GRM8: variants seen among roughly 807,000 people sequenced by gnomAD.
The protein encoded by GRM8 is metabotropic glutamate receptor 8.
A neutral mutation model predicts 87.2 loss-of-function variants in GRM8; 47 were observed. The ratio of observed to expected loss-of-function variants is 0.54; its 90% CI spans 0.43 to 0.69. GRM8 has a LOEUF of 0.69. Among genes scored for constraint, GRM8 ranks in the 30% least tolerant of loss-of-function variants. The pLI is 0.00. For synonymous variants in GRM8, 396 were observed against 404.5 expected, an observed-to-expected ratio of 0.98 and a Z score of 0.25; for missense variants, 1,019 against 1,139.2, an observed-to-expected ratio of 0.89 and a Z score of 1.52.
chr7:126,462,881 G>C (rs889088553), intron 9 of GRM8, among the ~76,000 whole-genome samples: 15 of 151,470 alleles, frequency 9.9e-5, no homozygotes, highest in Non-Finnish European at 1.5e-5. Flanking sequence ...ACACTCAGGA[G>C]AAAAAGACAG....
At chr7:126,825,558 G>A (rs763363428) in intron 6 of GRM8, among the ~76,000 whole-genome samples, 1 of 152,076 alleles carries the variant, frequency 6.6e-6, no homozygotes, top group Non-Finnish European at 1.5e-5. Context: ...ACCATGAATA[G>A]CCTCAGAATA....
intron 6 of GRM8, among the ~76,000 whole-genome samples, chr7:126,887,321 T>C (rs561241387): frequency 6.6e-6 from 1 of 152,222 alleles, no homozygotes; most frequent in Admixed American, 6.6e-5. Flanking sequence ...ACTATCTTTA[T>C]ATTTGCCATG....
intron 7 of GRM8, among the ~76,000 whole-genome samples, chr7:126,686,106 GA>G (rs1808157069): frequency 6.6e-6 from 1 of 151,564 alleles, no homozygotes; most frequent in African/African-American, 2.4e-5. Flanking sequence ...GAAAGTTGAG[GA>G]GACAATGGGA....
intron 8 of GRM8, among the ~76,000 whole-genome samples, chr7:126,564,158 C>T (rs578103219): frequency 6.6e-6 from 1 of 152,300 alleles, no homozygotes; most frequent in East Asian, 1.9e-4. Context: ...TTTCTAGCAG[C>T]CACTGGGCAA....
At chr7:126,871,842 A>G (rs1449457376) in intron 6 of GRM8, among the ~76,000 whole-genome samples, 4 of 152,222 alleles carry the variant, frequency 2.6e-5, no homozygotes, top group Non-Finnish European at 2.9e-5. Flanking sequence ...AGATACTTGT[A>G]CACATAGTAA....
chr7:126,747,051 CA>C (rs1432182333), intron 7 of GRM8, among the ~76,000 whole-genome samples: 12 of 151,748 alleles, frequency 7.9e-5, no homozygotes, highest in African/African-American at 2.9e-4. Context: ...ATGTTTAGGG[CA>C]AAGCGTTAGT....
intron 6 of GRM8, among the ~76,000 whole-genome samples, chr7:126,793,104 G>A (rs1821543894): frequency 6.6e-6 from 1 of 152,258 alleles, no homozygotes; most frequent in East Asian, 1.9e-4. Context: ...CATGCTGCTT[G>A]AAGATTTTTC....
chr7:127,248,475 T>A (rs1798692506), intron 1 of GRM8, among the ~76,000 whole-genome samples: 1 of 152,206 alleles, frequency 6.6e-6, no homozygotes, highest in Non-Finnish European at 1.5e-5. Flanking sequence ...TAATGAGGAC[T>A]GGGAGTGAGA....
intron 6 of GRM8, among the ~76,000 whole-genome samples, chr7:126,812,674 C>T (rs1047418479): frequency 1.3e-5 from 2 of 151,876 alleles, no homozygotes; most frequent in Admixed American, 1.3e-4. Flanking sequence ...AAACTAATCC[C>T]CAGCAGATAC....
rs547104730 is a variant in GRM8 at position 126,466,687 on chromosome 7, C to T, written c.2431-20315G>A. 1.2e-4 allele frequency among the ~76,000 whole-genome samples: 18 copies of T among 151,936 alleles called. No individual in the cohort carries two copies. The South Asian group carries it at 3.3e-3, about 28-fold the overall frequency. On this transcript the variant is annotated intron_variant, in intron 9 of 10. Coordinates refer to ENST00000339582, the MANE Select transcript of GRM8 (RefSeq NM_000845.3). ...TGTCCCAGAGCAGAAAAAAATCAGACGCCCCAGCTCAAGAAGAGAGACGGA... is the reference window on the plus strand; with the variant it reads ...TGTCCCAGAGCAGAAAAAAATCAGATGCCCCAGCTCAAGAAGAGAGACGGA...
rs1400718250 is a variant in GRM8, at chr7:126,824,368, G to A, written c.1157-54303C>T. 3.3e-5 allele frequency among the ~76,000 whole-genome samples: 5 copies of A among 152,148 alleles called. No homozygotes were observed. The East Asian group carries it at 9.6e-4, about 29-fold the overall frequency. ...GAGAAAGGAAAGAGTCAAAGTCAATGGCAAATAAGAAACCAATAAATAAAA... is the reference window on the plus strand; with the variant it reads ...GAGAAAGGAAAGAGTCAAAGTCAATAGCAAATAAGAAACCAATAAATAAAA... On this transcript the variant is annotated intron_variant, in intron 6 of 10. Transcript: ENST00000339582.
intron 3 of GRM8, among the ~76,000 whole-genome samples, chr7:127,030,710 G>A (rs933439211): frequency 6.6e-6 from 1 of 152,016 alleles, no homozygotes; most frequent in African/African-American, 2.4e-5. Context: ...GAATAGTACT[G>A]GTAGTTCAAA....
intron 7 of GRM8, among the ~76,000 whole-genome samples, chr7:126,614,970 A>C (rs1799307279): frequency 6.6e-6 from 1 of 152,224 alleles, no homozygotes; most frequent in African/African-American, 2.4e-5. Flanking sequence ...ATCCAGGAGA[A>C]CTTCCCCAAC....
chr7:126,919,373 G>A (rs917571331), intron 3 of GRM8, among the ~76,000 whole-genome samples: 2 of 152,088 alleles, frequency 1.3e-5, no homozygotes, highest in Non-Finnish European at 2.9e-5. Context: ...TTCTAATACG[G>A]GAATAGAACA....
At chr7:127,181,390 A>T (rs1794424579) in intron 2 of GRM8, among the ~76,000 whole-genome samples, 1 of 152,192 alleles carries the variant, frequency 6.6e-6, no homozygotes, top group African/African-American at 2.4e-5. Context: ...TGGGATGGGT[A>T]GAATCAATAA....
chr7:126,671,498 A>C (rs1386826574), intron 7 of GRM8, among the ~76,000 whole-genome samples: 2 of 152,242 alleles, frequency 1.3e-5, no homozygotes, highest in African/African-American at 4.8e-5. Context: ...TCACGTTTCA[A>C]AACTTATCAT....
intron 7 of GRM8, among the ~76,000 whole-genome samples, chr7:126,722,905 A>ATTATATATATAATATG (rs1812544315): frequency 6.9e-6 from 1 of 145,710 alleles, no homozygotes; most frequent in Non-Finnish European, 1.5e-5. Context: ...AATATATATA[A>ATTATATATATAATATG]TTATATATAT....
At chr7:126,533,941 C>A in intron 8 of GRM8, 54 bp from the exon 9 acceptor site, 1 of 1,292,804 alleles carries the variant, frequency 7.7e-7, no homozygotes, top group South Asian at 1.3e-5. Context: ...TTATAATATC[C>A]TAATCCTAGC....
chr7:126,928,956 G>T (rs1453974331), intron 3 of GRM8, among the ~76,000 whole-genome samples: 2 of 152,178 alleles, frequency 1.3e-5, no homozygotes, highest in Admixed American at 6.5e-5. Context: ...GGTCAGAAAA[G>T]GTTGTCTGAG....
Sources: gnomAD v4.1 joint callset for allele counts (sites outside exome capture counted in the v4.1 genomes callset) on GRCh38, gnomAD v4.1.1 for gene constraint, MANE v1.5 for transcripts, NCBI Gene and HGNC (gene_info 2026-07-23, HGNC 2026-07-21) for gene names.